Variants in FAM178B observed in about 807,000 individuals in gnomAD.
FAM178B encodes the protein family with sequence similarity 178 member B, also known as protein FAM178B.
A neutral mutation model predicts 91.7 loss-of-function variants in FAM178B; 82 were observed. That is an observed-to-expected ratio of 0.89 (90% confidence interval 0.75 to 1.07). The LOEUF (loss-of-function observed/expected upper bound fraction) is 1.07, where lower values mean the gene tolerates loss of function less well. Ranked by LOEUF, FAM178B falls within the 50% of genes least tolerant of loss-of-function variation. FAM178B has a pLI of 0.00. For synonymous variants in FAM178B, 368 were observed against 359.4 expected (o/e 1.02, Z -0.27); for missense variants, 769 against 846.7 (o/e 0.91, Z 1.14).
chr2:96,886,946 G>A (rs974293223), intron 14 of FAM178B, among the ~76,000 whole-genome samples: 1 of 152,186 alleles, frequency 6.6e-6, no homozygotes, highest in African/African-American at 2.4e-5. Context: ...CGGGCGCGGT[G>A]GCTCACGCCT....
chr2:96,916,782 G>A (rs925889600), intron 12 of FAM178B, among the ~76,000 whole-genome samples: 1 of 152,212 alleles, frequency 6.6e-6, no homozygotes, highest in Non-Finnish European at 1.5e-5. Context: ...GGCTGCGGGT[G>A]TACTGCATGA....
intron 6 of FAM178B, chr2:96,952,084 G>C (rs1312374140): frequency 6.5e-6 from 1 of 153,198 alleles, no homozygotes; most frequent in Non-Finnish European, 1.5e-5. Flanking sequence ...ACAGGGGAAA[G>C]TGGAATATTT....
intron 3 of FAM178B, among the ~76,000 whole-genome samples, chr2:96,971,160 C>A (rs1283272862): frequency 1.3e-5 from 2 of 151,340 alleles, no homozygotes; most frequent in African/African-American, 4.9e-5. Flanking sequence ...GACATCATTC[C>A]CTATCAAAGC....
At chr2:96,902,932 T>C (rs2080961731) in intron 12 of FAM178B, among the ~76,000 whole-genome samples, 2 of 152,250 alleles carry the variant, frequency 1.3e-5, no homozygotes, top group African/African-American at 4.8e-5. Context: ...CTCAAGTCCC[T>C]GGTAATTTCA....
chr2:96,934,279 G>A (rs561257476), intron 8 of FAM178B, among the ~76,000 whole-genome samples: 14 of 152,226 alleles, frequency 9.2e-5, no homozygotes, highest in Non-Finnish European at 1.8e-4. Context: ...GACTTGGGGA[G>A]CCTGGCAGAG....
In FAM178B at chr2:96,950,213, T is replaced by C. The variant is rs537970841; in HGVS notation, c.993+1166A>G. The C allele has an allele frequency of 1.6e-5, 16 of 975,116 alleles. 1 individual carries two copies. In the Admixed American group the frequency reaches 3.1e-4, roughly 19 times the overall value. 60.4% of individuals were successfully genotyped at this position (975,116 alleles called of 1,614,324 possible). On this transcript the variant is annotated intron_variant, in intron 7 of 16. Coordinates refer to ENST00000490605, the MANE Select transcript of FAM178B (RefSeq NM_001122646.3). The stretch of plus-strand genomic sequence containing the variant: ...GTCCTTTGTGCCTCCCAATGCTCGA[T>C]TGTGTGTTCCGTCACACACTGTGCA...
In FAM178B at chr2:96,877,932, G is replaced by A. The variant is rs140902161; in HGVS notation, c.1965C>T (p.Thr655=). 1.9e-4 allele frequency: 301 copies of A among 1,613,718 alleles called. No homozygotes were observed. Among genetic ancestry groups the A allele is most frequent in the Non-Finnish European group, 2.2e-4 (264 of 1,180,030 alleles). ...TCAGCAGCTCCTGCCAACGGATGTAGGTCTGGGTAGCCAGGTCCTTGAGCA... is the reference window on the plus strand; with the variant it reads ...TCAGCAGCTCCTGCCAACGGATGTAAGTCTGGGTAGCCAGGTCCTTGAGCA... The part of the protein sequence containing the change: ...RTMLKDLATQ[T]YIRWQELLTH... The change falls in exon 16 of 17, where the codon ACC becomes ACT. Residue 655 remains threonine, a synonymous_variant. Coordinates refer to ENST00000490605, the MANE Select transcript of FAM178B (RefSeq NM_001122646.3).
intron 12 of FAM178B, among the ~76,000 whole-genome samples, chr2:96,911,166 C>A (rs1169955112): frequency 3.9e-5 from 6 of 152,178 alleles, no homozygotes; most frequent in Non-Finnish European, 5.9e-5. Context: ...GTCCCCCTGC[C>A]ATGCCAGGCT....
At chr2:96,918,399 T>G (rs1395633620) in intron 12 of FAM178B, among the ~76,000 whole-genome samples, 1 of 152,108 alleles carries the variant, frequency 6.6e-6, no homozygotes, top group Non-Finnish European at 1.5e-5. Context: ...AATAAATACA[T>G]GAAAAGATAC....
At chr2:96,886,434 G>T (rs1297955796) in intron 14 of FAM178B, among the ~76,000 whole-genome samples, 1 of 152,210 alleles carries the variant, frequency 6.6e-6, no homozygotes, top group Non-Finnish European at 1.5e-5. Flanking sequence ...TAGAGTGTTA[G>T]GTTAGAAGCT....
At chr2:96,972,628 G>A (rs1487127385) in intron 1 of FAM178B, 22 bp from the exon 2 acceptor site, 1 of 1,549,208 alleles carries the variant, frequency 6.5e-7, no homozygotes, top group African/African-American at 1.4e-5. Context: ...CGCCTGTGAG[G>A]GCAGGTGAAC....
chr2:96,939,474 C>A (rs547411474), intron 8 of FAM178B, among the ~76,000 whole-genome samples: 36 of 152,162 alleles, frequency 2.4e-4, no homozygotes, highest in African/African-American at 8.7e-4. Flanking sequence ...CTGGCCTGGG[C>A]GACAGAGTGA....
intron 12 of FAM178B, among the ~76,000 whole-genome samples, chr2:96,905,741 A>C (rs1308979942): frequency 1.4e-5 from 2 of 146,124 alleles, no homozygotes; most frequent in Non-Finnish European, 3.0e-5. Context: ...GTTCAAGACC[A>C]GCCTGACCAA....
intron 9 of FAM178B, among the ~76,000 whole-genome samples, chr2:96,925,826 A>G (rs773401324): frequency 3.9e-5 from 6 of 152,174 alleles, no homozygotes; most frequent in Non-Finnish European, 7.4e-5. Context: ...TAAAGTTACC[A>G]TCTGCATGGC....
chr2:96,904,541 A>ATTTTTTTTTT (rs11284849), intron 12 of FAM178B, among the ~76,000 whole-genome samples: 587 of 96,650 alleles, frequency 6.1e-3, no homozygotes, highest in Non-Finnish European at 8.5e-3. Context: ...ATGCCTGGCT[A>ATTTTTTTTTT]TTTTTTTTTT....
intron 3 of FAM178B, among the ~76,000 whole-genome samples, chr2:96,971,164 T>A (rs1364877172): frequency 6.9e-6 from 1 of 145,454 alleles, no homozygotes. Context: ...TCATTCCCTA[T>A]CAAAGCCAAA....
At chr2:96,889,959 C>T (rs1172613587) in intron 14 of FAM178B, among the ~76,000 whole-genome samples, 37 of 128,754 alleles carry the variant, frequency 2.9e-4, no homozygotes, top group African/African-American at 9.7e-4. Context: ...GGCAACGTGA[C>T]AAAACCCCAT....
At chr2:96,963,366 GC>G (rs1306634993) in intron 5 of FAM178B, among the ~76,000 whole-genome samples, 1 of 152,224 alleles carries the variant, frequency 6.6e-6, no homozygotes, top group Non-Finnish European at 1.5e-5. Context: ...ATATAATGCT[GC>G]CAAAGTGCTC....
intron 16 of FAM178B, among the ~76,000 whole-genome samples, chr2:96,876,896 C>A (rs1053080253): frequency 6.6e-6 from 1 of 152,084 alleles, no homozygotes; most frequent in Non-Finnish European, 1.5e-5. Flanking sequence ...AGGGAGGGCA[C>A]CAGCACAGGG....
Sources: allele counts gnomAD v4.1 joint callset (sites outside exome capture counted in the v4.1 genomes callset), GRCh38; gene constraint gnomAD v4.1.1; transcripts MANE v1.5; gene names NCBI Gene and HGNC (gene_info 2026-07-23, HGNC 2026-07-21).